Variants in ADAM22 observed in about 807,000 individuals in gnomAD.
The protein encoded by ADAM22 is ADAM metallopeptidase domain 22.
ADAM22 carries 65 observed loss-of-function variants against 144.6 expected under a neutral mutation model. That is an observed-to-expected ratio of 0.45 (90% CI 0.37 to 0.55). ADAM22 has a LOEUF of 0.55. Among genes scored for constraint, ADAM22 ranks in the 20% least tolerant of loss-of-function variants. ADAM22 has a pLI of 0.00. For missense variants in ADAM22, 974 were observed against 1,184.9 expected, an observed-to-expected ratio of 0.82 and a Z score of 2.61; for synonymous variants, 391 against 412.6, an observed-to-expected ratio of 0.95 and a Z score of 0.63.
At chr7:88,105,311 C>T (rs1033932276) in intron 4 of ADAM22, among the ~76,000 whole-genome samples, 6 of 152,098 alleles carry the variant, frequency 3.9e-5, no homozygotes, top group South Asian at 2.1e-4. Context: ...AGGTCTGATT[C>T]GGTTAGTCAC....
chr7:88,034,383 A>G (rs1171324178), intron 3 of ADAM22, among the ~76,000 whole-genome samples: 1 of 152,156 alleles, frequency 6.6e-6, no homozygotes, highest in Non-Finnish European at 1.5e-5. Flanking sequence ...CCAGTGCCAT[A>G]TTCTGCTGTG....
At chr7:88,061,158 G>A (rs1187958873) in intron 3 of ADAM22, among the ~76,000 whole-genome samples, 1 of 152,020 alleles carries the variant, frequency 6.6e-6, no homozygotes, top group African/African-American at 2.4e-5. Flanking sequence ...GTAGCATTCA[G>A]TCACATCTTC....
At chr7:87,982,728 C>T (rs1417774939) in intron 3 of ADAM22, among the ~76,000 whole-genome samples, 1 of 80,470 alleles carries the variant, frequency 1.2e-5, no homozygotes, top group Admixed American at 1.4e-4. Flanking sequence ...CAGTTTTGCT[C>T]TTGTTGCCCA....
At chr7:87,962,632 T>C (rs982555659) in intron 2 of ADAM22, among the ~76,000 whole-genome samples, 3 of 152,088 alleles carry the variant, frequency 2.0e-5, no homozygotes, top group African/African-American at 7.2e-5. Flanking sequence ...TTTTTTTTTT[T>C]GAAGATGGAA....
rs769133188 is a variant in ADAM22 at position 88,168,179 on chromosome 7, C to T, written c.2234C>T (p.Thr745Ile). 2 of 1,613,134 alleles carry T rather than the reference C, an allele frequency of 1.2e-6. No homozygotes were observed. The highest frequency in any genetic ancestry group is 1.7e-6 in the Non-Finnish European group (2 of 1,179,570). Residue 745 changes from threonine (T) to isoleucine (I), a missense_variant, in exon 25 of 32, where the codon ACC (threonine) becomes ATC (isoleucine). This residue lies in a region of ADAM22 where 734 missense variants were observed against 950.6 expected (regional missense o/e 0.77). Transcript: ENST00000413139. The stretch of plus-strand genomic sequence containing the variant: ...ATCATAATAGGCATAATTGCTGGCA[C>T]CATTTTAGTGCTGGCCCTCATATTA... ...TNIIIGIIAG[T>I]ILVLALILGI...
At chr7:87,965,064 A>G (rs969794319) in intron 2 of ADAM22, among the ~76,000 whole-genome samples, 50 of 152,284 alleles carry the variant, frequency 3.3e-4, no homozygotes, top group Middle Eastern at 3.4e-3. Flanking sequence ...AGCTATAGGT[A>G]GTGTGTTCTT....
intron 3 of ADAM22, among the ~76,000 whole-genome samples, chr7:87,997,077 A>C (rs1791415314): frequency 6.6e-6 from 1 of 152,186 alleles, no homozygotes; most frequent in South Asian, 2.1e-4. Flanking sequence ...AAACTTTAGG[A>C]CTGAAAGGGA....
chr7:88,093,530 T>G (rs1212996881), intron 4 of ADAM22, among the ~76,000 whole-genome samples: 1 of 152,116 alleles, frequency 6.6e-6, no homozygotes, highest in South Asian at 2.1e-4. Flanking sequence ...TGTTTCTTTT[T>G]TTCTTTCTTT....
At chr7:88,049,912 A>G (rs528799290) in intron 3 of ADAM22, among the ~76,000 whole-genome samples, 3 of 152,204 alleles carry the variant, frequency 2.0e-5, no homozygotes, top group South Asian at 2.1e-4. Context: ...TGAAATATGA[A>G]GTGCTCTCAG....
intron 3 of ADAM22, among the ~76,000 whole-genome samples, chr7:87,985,238 A>G (rs956588853): frequency 1.8e-4 from 27 of 151,590 alleles, no homozygotes; most frequent in African/African-American, 6.6e-4. Context: ...GCGTGAACCC[A>G]GGAGGCAGAG....
chr7:88,072,636 C>A (rs1813127650), intron 3 of ADAM22, among the ~76,000 whole-genome samples: 1 of 152,186 alleles, frequency 6.6e-6, no homozygotes, highest in Non-Finnish European at 1.5e-5. Flanking sequence ...AGCTCAGTTT[C>A]TTTTAAGTGT....
At chr7:87,966,721 GTTTTTTT>G (rs71120012) in intron 2 of ADAM22, among the ~76,000 whole-genome samples, 28 of 39,890 alleles carry the variant, frequency 7.0e-4, no homozygotes, top group African/African-American at 4.6e-4. Flanking sequence ...AAGGAAAGCC[GTTTTTTT>G]TTTTTTTTTT....
chr7:88,144,361 G>T (rs1835706402), intron 15 of ADAM22, among the ~76,000 whole-genome samples: 1 of 152,056 alleles, frequency 6.6e-6, no homozygotes, highest in African/African-American at 2.4e-5. Flanking sequence ...ATTCAAAAGA[G>T]AACAAAGTTG....
intron 24 of ADAM22, among the ~76,000 whole-genome samples, chr7:88,166,663 A>T (rs73204130): frequency 0.013 from 1,925 of 152,282 alleles, 26 homozygotes; most frequent in Non-Finnish European, 0.017. Context: ...TGTTCATTCT[A>T]ATAGTCCAGA....
chr7:88,087,892 A>G (rs1563190049), intron 4 of ADAM22, among the ~76,000 whole-genome samples: 1 of 152,094 alleles, frequency 6.6e-6, no homozygotes. Flanking sequence ...ACTGTTTACG[A>G]CTCATCATTT....
chr7:88,118,341 C>T (rs1828336229), intron 7 of ADAM22, among the ~76,000 whole-genome samples: 1 of 152,196 alleles, frequency 6.6e-6, no homozygotes, highest in African/African-American at 2.4e-5. Context: ...CTCCCCTTCT[C>T]TCCTGCTGCC....
At chr7:88,065,732 A>G (rs1811064216) in intron 3 of ADAM22, among the ~76,000 whole-genome samples, 1 of 152,090 alleles carries the variant, frequency 6.6e-6, no homozygotes, top group African/African-American at 2.4e-5. Flanking sequence ...ATTGCTTTAA[A>G]ATTTTTCAGT....
At chr7:88,100,317 AT>A (rs1030115093) in intron 4 of ADAM22, among the ~76,000 whole-genome samples, 2 of 152,124 alleles carry the variant, frequency 1.3e-5, no homozygotes, top group Non-Finnish European at 2.9e-5. Context: ...ACTTATTTTT[AT>A]TTTTTTGACA....
At position 88,145,518 on chromosome 7, in the gene ADAM22, A is replaced by G. The variant is rs778863713; in HGVS notation, c.1485+11A>G. ...TGTAAAAAGTGCAAGGTAAATAAACATTAATGACCATTTGACAGAAAAAAA... is the reference window on the plus strand; with the variant it reads ...TGTAAAAAGTGCAAGGTAAATAAACGTTAATGACCATTTGACAGAAAAAAA... On this transcript the variant is annotated intron_variant, in intron 17 of 31. Transcript: ENST00000413139. 4.4e-6 allele frequency: 7 copies of G among 1,600,898 alleles called. No individual in the cohort carries two copies. In the East Asian group the frequency reaches 1.1e-4, roughly 26 times the overall value.
Sources: allele counts gnomAD v4.1 joint callset (sites outside exome capture counted in the v4.1 genomes callset), GRCh38; gene constraint gnomAD v4.1.1; regional missense constraint gnomAD v4.1.1; transcripts MANE v1.5; gene names NCBI Gene and HGNC (gene_info 2026-07-23, HGNC 2026-07-21).